The following ACACA variants were observed in gnomAD, a reference collection of about 807,000 sequenced individuals.
ACACA encodes acetyl-CoA carboxylase alpha, also known as acetyl-CoA carboxylase 1.
In ACACA, 103 loss-of-function variants were observed where a neutral mutation model predicts 296.1. The ratio of observed to expected loss-of-function variants is 0.35; its 90% confidence interval spans 0.30 to 0.41. The LOEUF (loss-of-function observed/expected upper bound fraction) is 0.41. Among genes scored for constraint, ACACA ranks in the 10% least tolerant of loss-of-function variants. The pLI is 1.00. For synonymous variants in ACACA, 953 were observed against 1,038.6 expected, an observed-to-expected ratio of 0.92 and a Z score of 1.58; for missense variants, 1,554 against 2,989.7, an observed-to-expected ratio of 0.52 and a Z score of 11.20.
At chr17:37,355,988 A>G (rs2147537193) in intron 1 of ACACA, among the ~76,000 whole-genome samples, 1 of 151,964 alleles carries the variant, frequency 6.6e-6, no homozygotes, top group Non-Finnish European at 1.5e-5. Flanking sequence ...GGCCGACATG[A>G]CGAAACCCCA....
At chr17:37,174,014 A>ATTTT (rs1184132097) in intron 41 of ACACA, among the ~76,000 whole-genome samples, 30 of 13,998 alleles carry the variant, frequency 2.1e-3, no homozygotes, top group African/African-American at 2.8e-3. Flanking sequence ...ATATATATAT[A>ATTTT]TATATATTTT....
chr17:37,191,838 G>A (rs1203788164), intron 37 of ACACA, among the ~76,000 whole-genome samples: 1 of 150,654 alleles, frequency 6.6e-6, no homozygotes. Flanking sequence ...AAATTAAAGT[G>A]GAAAAAGAGC....
chr17:37,101,945 C>T (rs931793909), intron 52 of ACACA, among the ~76,000 whole-genome samples: 22 of 148,190 alleles, frequency 1.5e-4, no homozygotes, highest in African/African-American at 4.1e-4. Flanking sequence ...ATTTACCACT[C>T]ACTGCACTCA....
intron 42 of ACACA, among the ~76,000 whole-genome samples, chr17:37,156,389 G>T (rs2076253860): frequency 6.6e-6 from 1 of 150,388 alleles, no homozygotes; most frequent in Non-Finnish European, 1.5e-5. Context: ...AGGGTTAAAG[G>T]GTCATTTTCT....
chr17:37,152,345 T>A (rs1199934649), intron 43 of ACACA, among the ~76,000 whole-genome samples: 1 of 152,204 alleles, frequency 6.6e-6, no homozygotes, highest in East Asian at 1.9e-4. Context: ...AAAGGCATCA[T>A]ATCAACAATT....
At chr17:37,291,101 AAAG>A (rs1428888952) in intron 3 of ACACA, among the ~76,000 whole-genome samples, 3 of 150,798 alleles carry the variant, frequency 2.0e-5, no homozygotes, top group Non-Finnish European at 4.4e-5. Flanking sequence ...AAAAAAAGAA[AAAG>A]AAACACACTA....
At chr17:37,296,301 CTTTTT>C (rs369893845) in intron 3 of ACACA, among the ~76,000 whole-genome samples, 1 of 100,372 alleles carries the variant, frequency 1.0e-5, no homozygotes, top group Non-Finnish European at 1.9e-5. Context: ...TCTTTGGAGC[CTTTTT>C]TTTTTTTTTT....
chr17:37,161,749 A>T, intron 42 of ACACA, 32 bp downstream of exon 42: 1 of 1,604,138 alleles, frequency 6.2e-7, no homozygotes, highest in Non-Finnish European at 8.5e-7. Context: ...ACCATATAGC[A>T]CCTTGAAGTA....
rs2082699627 is a variant in ACACA, at chr17:37,284,949, G to A, written c.360C>T (p.His120=). The A allele has an allele frequency of 3.1e-6, 5 of 1,614,032 alleles. No homozygotes were observed. The highest frequency in any genetic ancestry group is 1.1e-5 in the South Asian group (1 of 91,082). ...LHIRSSMSGL[H]LVKQGRDRKK... is the part of the protein sequence containing the mutation. ...TTCTGTCTCGGCCCTGCTTTACTAG[G>A]TGCAAGCCAGACATGCTGGACCTAT... Residue 120 remains histidine, a synonymous_variant, in exon 4 of 56, where the codon CAC becomes CAT. Transcript: ENST00000616317.
chr17:37,313,572 G>C (rs1259993891), intron 3 of ACACA, among the ~76,000 whole-genome samples: 3 of 152,114 alleles, frequency 2.0e-5, no homozygotes, highest in Non-Finnish European at 2.9e-5. Context: ...TATATGAAAA[G>C]GCGCTTAACA....
At chr17:37,399,048 C>G (rs561558135) in intron 1 of ACACA, among the ~76,000 whole-genome samples, 1 of 148,824 alleles carries the variant, frequency 6.7e-6, no homozygotes, top group South Asian at 2.1e-4. Flanking sequence ...GGTGGGATCT[C>G]GGCTCACGGC....
chr17:37,283,102 A>G (rs1290530826), intron 5 of ACACA, among the ~76,000 whole-genome samples, 165 bp downstream of exon 5: 1 of 152,242 alleles, frequency 6.6e-6, no homozygotes, highest in Admixed American at 6.5e-5. Flanking sequence ...AATCATTTTT[A>G]TATGTCTATT....
Position 37,330,189 on chromosome 17 carries a change from A to C in ACACA, c.322T>G (p.Leu108Val), listed in dbSNP as rs745654513. The C allele has an allele frequency of 1.2e-6, 2 of 1,614,212 alleles. No homozygotes were observed. The highest frequency in any genetic ancestry group is 2.2e-5 in the South Asian group (2 of 91,088). The change falls in exon 3 of 56, where the codon TTG becomes GTG. Residue 108 changes from leucine (L) to valine (V), a missense_variant. Transcript: ENST00000616317. ...DLGISSLQDG[L>V]ALHIRSSMSG... ...CTCTCTTACCTTATGTGCAAGGCCA[A>C]GCCATCCTGTAGGCTAGAGATCCCC...
chr17:37,224,380 G>A (rs560330719), intron 27 of ACACA, among the ~76,000 whole-genome samples: 2 of 152,058 alleles, frequency 1.3e-5, no homozygotes, highest in South Asian at 2.1e-4. Flanking sequence ...CCCTGGGCCA[G>A]ATATAACAAT....
chr17:37,363,651 T>A (rs1188760898), intron 1 of ACACA, among the ~76,000 whole-genome samples: 1 of 152,146 alleles, frequency 6.6e-6, no homozygotes, highest in Non-Finnish European at 1.5e-5. Context: ...CAAGTCAGGT[T>A]TGAGTTGAAT....
intron 39 of ACACA, among the ~76,000 whole-genome samples, chr17:37,181,957 T>C (rs969623407): frequency 1.4e-5 from 2 of 144,616 alleles, no homozygotes; most frequent in Non-Finnish European, 3.0e-5. Flanking sequence ...ACGGTGCACA[T>C]TTCGCATCTC....
chr17:37,098,008 T>C (rs1208593317), intron 52 of ACACA, 24 bp from the exon 53 acceptor site: 17 of 1,614,074 alleles, frequency 1.1e-5, no homozygotes, highest in Non-Finnish European at 1.4e-5. Flanking sequence ...AACATGCCCG[T>C]CACACTCTGT....
intron 29 of ACACA, among the ~76,000 whole-genome samples, chr17:37,211,689 A>G (rs1018944310): frequency 2.6e-5 from 4 of 152,214 alleles, no homozygotes; most frequent in Admixed American, 2.6e-4. Context: ...CCATGGCAGT[A>G]GAAGGAGCAG....
intron 3 of ACACA, among the ~76,000 whole-genome samples, chr17:37,297,572 C>T (rs764880904): frequency 2.0e-5 from 3 of 149,092 alleles, no homozygotes; most frequent in East Asian, 3.9e-4. Context: ...GATGGAGTTT[C>T]GCTCTTGTCA....
Sources: gnomAD v4.1 joint callset for allele counts (sites outside exome capture counted in the v4.1 genomes callset) on GRCh38, gnomAD v4.1.1 for gene constraint, MANE v1.5 for transcripts, NCBI Gene and HGNC (gene_info 2026-07-23, HGNC 2026-07-21) for gene names.